WNK1: variants seen among roughly 807,000 people sequenced by gnomAD.
WNK1 encodes serine/threonine-protein kinase WNK1.
WNK1 carries 38 observed loss-of-function variants against 222.8 expected under a neutral mutation model. The ratio of observed to expected loss-of-function variants is 0.17; its 90% CI spans 0.13 to 0.22. The LOEUF (loss-of-function observed/expected upper bound fraction) is 0.22, where lower values mean the gene tolerates loss of function less well. Ranked by LOEUF, WNK1 falls within the 10% of genes least tolerant of loss-of-function variation. The pLI is 1.00. For synonymous variants in WNK1, 1,090 were observed against 1,092.9 expected (o/e 1.00, Z 0.05); for missense variants, 2,348 against 2,918.4 (o/e 0.80, Z 4.50).
chr12:795,336 T>G (rs1435091195), intron 1 of WNK1, among the ~76,000 whole-genome samples: 2 of 151,704 alleles, frequency 1.3e-5, no homozygotes, highest in Non-Finnish European at 2.9e-5. Context: ...CTGATATGGT[T>G]TGGCTCTGTA....
intron 8 of WNK1, chr12:864,971 C>CAAA (rs11441896): frequency 1.6e-3 from 1,557 of 987,604 alleles, no homozygotes; most frequent in South Asian, 2.0e-3. Flanking sequence ...TAGCTCTCCT[C>CAAA]AAAAAAAAAA....
At chr12:811,710 A>C (rs1398216421) in intron 1 of WNK1, among the ~76,000 whole-genome samples, 12 of 152,096 alleles carry the variant, frequency 7.9e-5, no homozygotes, top group Admixed American at 7.9e-4. Context: ...CCTAGATTAA[A>C]AAAAAAACAA....
In WNK1 at chr12:754,121, G is replaced by T; in HGVS notation, c.556G>T (p.Gly186Cys). Residue 186 changes from glycine (G) to cysteine (C), a missense_variant, in exon 1 of 28, where the codon GGC (glycine) becomes TGC (cysteine). By Grantham distance (159) the Gly-to-Cys change is radical. Coordinates refer to ENST00000315939, the MANE Select transcript of WNK1 (RefSeq NM_018979.4). Reference protein sequence around the residue: ...EEPPPARSGSGGGSAKEPQEE... With the variant: ...EEPPPARSGSCGGSAKEPQEE... ...GCCGCCGCCGGCGAGAAGTGGCAGC[G>T]GCGGCGGCAGCGCCAAGGAGCCACA... is the stretch of plus-strand genomic sequence containing the variant. 6.2e-7 allele frequency: 1 copy of T among 1,610,412 alleles called. No individual in the cohort carries two copies. The highest frequency in any genetic ancestry group is 8.5e-7 in the Non-Finnish European group (1 of 1,179,192).
rs1951578166 is a variant in WNK1 at position 865,367 on chromosome 12, A to T, written c.2139+3097A>T. On this transcript the variant is annotated intron_variant, in intron 8 of 27. Transcript: ENST00000315939. ...TGCCTTCCCTCTTTGTCAGTACTGT[A>T]TGTAACTGTAAACTTCTGACAAATG... is the stretch of plus-strand genomic sequence containing the variant. The T allele has an allele frequency of 2.0e-6, 3 of 1,532,756 alleles. No homozygotes were observed. In the African/African-American group the frequency reaches 4.1e-5, roughly 21 times the overall value. 94.9% of individuals were successfully genotyped at this position (1,532,756 alleles called of 1,614,324 possible).
At chr12:889,755 C>G (rs969959020) in intron 21 of WNK1, among the ~76,000 whole-genome samples, 1 of 152,042 alleles carries the variant, frequency 6.6e-6, no homozygotes, top group Non-Finnish European at 1.5e-5. Flanking sequence ...GGAGGCAGAG[C>G]TTGCAGTGAG....
rs1426892068 is a variant in WNK1 at position 871,358 on chromosome 12, A to G, written c.2223+10A>G. On this transcript the variant is annotated intron_variant, in intron 9 of 27. Coordinates refer to ENST00000315939, the MANE Select transcript of WNK1 (RefSeq NM_018979.4). The stretch of plus-strand genomic sequence containing the variant: ...ACAACATCCTCAGCAGGTGAGAACA[A>G]TGCATTGCAACATTTTATGAATTAG... The G allele has an allele frequency of 6.8e-6, 11 of 1,612,574 alleles. No homozygotes were observed. The highest frequency in any genetic ancestry group is 5.3e-5 in the African/African-American group (4 of 74,878).
chr12:798,819 C>T (rs181922770), intron 1 of WNK1, among the ~76,000 whole-genome samples: 1 of 152,248 alleles, frequency 6.6e-6, no homozygotes, highest in African/African-American at 2.4e-5. Context: ...CCTTGACACT[C>T]GTGGTATTTC....
intron 4 of WNK1, among the ~76,000 whole-genome samples, chr12:853,133 A>AT (rs1258868303): frequency 6.6e-6 from 1 of 152,114 alleles, no homozygotes; most frequent in East Asian, 1.9e-4. Context: ...CCTATGGTAC[A>AT]TTTTTTAAGG....
rs1333205787 is a variant in WNK1 at position 752,832 on chromosome 12, C to A, written c.-734C>A. ...TCCTCCGTCAGCCCCCGGCACCGGC[C>A]CGGGAGGAGACGGGTTTGCCAGGCC... On this transcript the variant is annotated 5_prime_UTR_variant, in exon 1 of 28. Transcript: ENST00000315939. 1 of 152,226 alleles carries A rather than the reference C, an allele frequency of 6.6e-6. No homozygotes were observed. The highest frequency in any genetic ancestry group is 2.4e-5 in the African/African-American group (1 of 41,456). 9.4% of individuals were successfully genotyped at this position (152,226 alleles called of 1,614,324 possible). A position where few individuals can be genotyped will look rare whatever the true frequency, so the allele number is the denominator to read the frequency against.
At chr12:786,185 G>A (rs1310926312) in intron 1 of WNK1, among the ~76,000 whole-genome samples, 1 of 151,996 alleles carries the variant, frequency 6.6e-6, no homozygotes, top group African/African-American at 2.4e-5. Flanking sequence ...TATTTTTGTT[G>A]CCTTAGACTA....
intron 6 of WNK1, among the ~76,000 whole-genome samples, chr12:860,191 A>T (rs1299097619): frequency 6.6e-6 from 1 of 152,206 alleles, no homozygotes; most frequent in African/African-American, 2.4e-5. Flanking sequence ...ATGTTTCTAC[A>T]TATTGGTACA....
intron 26 of WNK1, chr12:904,641 T>A (rs1037450859): frequency 5.7e-6 from 3 of 526,116 alleles, no homozygotes; most frequent in Non-Finnish European, 6.3e-6. Flanking sequence ...CATGCTTAAT[T>A]GAGAAATCAT....
chr12:814,089 G>A (rs545683661), intron 2 of WNK1, among the ~76,000 whole-genome samples: 7 of 152,122 alleles, frequency 4.6e-5, no homozygotes, highest in Non-Finnish European at 8.8e-5. Context: ...CGGGGCAGGC[G>A]GATCACCTGA....
At chr12:881,382 A>G (rs1278557071) in intron 12 of WNK1, 3 of 464,068 alleles carry the variant, frequency 6.5e-6, no homozygotes, top group Admixed American at 6.7e-5. Context: ...TCTTTGTACT[A>G]TGCTCTGTCT....
intron 1 of WNK1, 52 bp from the exon 2 acceptor site, chr12:813,590 A>G: frequency 6.3e-7 from 1 of 1,582,288 alleles, no homozygotes; most frequent in Non-Finnish European, 8.7e-7. Flanking sequence ...TAACTGTCTG[A>G]TTTGGTGTTT....
intron 1 of WNK1, among the ~76,000 whole-genome samples, chr12:810,359 C>T (rs1048917506): frequency 1.3e-5 from 2 of 152,062 alleles, no homozygotes; most frequent in Non-Finnish European, 2.9e-5. Context: ...TCAAGAATTC[C>T]AGACACTTTT....
At position 865,251 on chromosome 12, in the gene WNK1, G is replaced by A. The variant is rs573192786; in HGVS notation, c.2139+2981G>A. ...CTCCTTCCCTCCTCCGGACTGCCCC[G>A]AGGAAACTTTTGCCGAAAAGCTTTC... is the stretch of plus-strand genomic sequence containing the variant. On this transcript the variant is annotated intron_variant, in intron 8 of 27. Coordinates refer to ENST00000315939, the MANE Select transcript of WNK1 (RefSeq NM_018979.4). 7.2e-5 allele frequency: 110 copies of A among 1,535,878 alleles called. 2 individuals are homozygous for A. The Middle Eastern group carries it at 6.2e-3, about 86-fold the overall frequency.
intron 2 of WNK1, among the ~76,000 whole-genome samples, chr12:824,216 CTTTTTTTTTT>C (rs1207566592): frequency 7.9e-6 from 1 of 126,128 alleles, no homozygotes; most frequent in Non-Finnish European, 1.7e-5. Context: ...GCAGAGACAT[CTTTTTTTTTT>C]TTTTTTTTGT....
chr12:883,377 A>G lies in WNK1; in HGVS notation c.3490-18A>G, dbSNP rs765822157. 1.6e-5 allele frequency: 26 copies of G among 1,613,990 alleles called. No individual in the cohort carries two copies. The Middle Eastern group carries it at 8.2e-4, about 51-fold the overall frequency. ...GAGAAATGACACTAATTAGACTGAC[A>G]TCACATTTCTTTTACAGGTGAACAA... On this transcript the variant is annotated intron_variant, in intron 15 of 27. Transcript: ENST00000315939.
Sources: gnomAD v4.1 joint callset for allele counts (sites outside exome capture counted in the v4.1 genomes callset) on GRCh38, gnomAD v4.1.1 for gene constraint, MANE v1.5 for transcripts, NCBI Gene and HGNC (gene_info 2026-07-23, HGNC 2026-07-21) for gene names.